The following RORA variants were observed in gnomAD, a reference collection of about 807,000 sequenced individuals.
The protein encoded by RORA is RAR related orphan receptor A.
RORA carries 7 observed loss-of-function variants against 69.5 expected under a neutral mutation model. The observed-to-expected ratio is 0.10, with a 90% CI of 0.06 to 0.19. The LOEUF (loss-of-function observed/expected upper bound fraction) is 0.19, where lower values mean the gene tolerates loss of function less well. Ranked by LOEUF, RORA falls within the 10% of genes least tolerant of loss-of-function variation. RORA has a pLI of 1.00. For missense variants in RORA, 457 were observed against 663.0 expected (o/e 0.69, Z 3.41); for synonymous variants, 261 against 240.8 (o/e 1.08, Z -0.78).
rs1555399191 is a variant in RORA at position 60,979,299 on chromosome 15, T to C, written c.166+249754A>G. ...TTTTTTTTTTTTTTTTTTCCAAGAA[T>C]ATTTTGGCTATCCAATGTCCCTTTC... On this transcript the variant is annotated intron_variant, in intron 1 of 10. Coordinates refer to ENST00000335670, the MANE Select transcript of RORA (RefSeq NM_134261.3). 2.5e-5 allele frequency among the ~76,000 whole-genome samples: 3 copies of C among 119,636 alleles called. 1 individual carries two copies. Among genetic ancestry groups the C allele is most frequent in the Non-Finnish European group, 3.4e-5 (2 of 57,990 alleles). 78.5% of individuals were successfully genotyped at this position (119,636 alleles called of 152,430 possible). A position where few individuals can be genotyped will look rare whatever the true frequency, so the allele number is the denominator to read the frequency against.
chr15:60,838,158 C>T (rs1029908655), intron 1 of RORA, among the ~76,000 whole-genome samples: 1 of 152,092 alleles, frequency 6.6e-6, no homozygotes, highest in Non-Finnish European at 1.5e-5. Flanking sequence ...TTCCCTACCC[C>T]CTTAGACCTC....
chr15:60,516,223 T>TAA (rs1489234133), intron 3 of RORA, among the ~76,000 whole-genome samples: 4 of 11,834 alleles, frequency 3.4e-4, no homozygotes, highest in Non-Finnish European at 7.1e-4. Flanking sequence ...ATATATATAT[T>TAA]TATATATATA....
At chr15:60,648,630 G>C (rs1374225342) in intron 2 of RORA, among the ~76,000 whole-genome samples, 2 of 152,236 alleles carry the variant, frequency 1.3e-5, no homozygotes, top group African/African-American at 4.8e-5. Flanking sequence ...TGTCTGTCAT[G>C]AAATCTGATC....
chr15:60,604,670 T>C (rs754648095), intron 2 of RORA, among the ~76,000 whole-genome samples: 4 of 152,164 alleles, frequency 2.6e-5, no homozygotes, highest in African/African-American at 9.7e-5. Flanking sequence ...GTTGAATCAG[T>C]GAATACTTCT....
rs575507963 is a variant in RORA at position 60,963,272 on chromosome 15, A to T, written c.166+265781T>A. On this transcript the variant is annotated intron_variant, in intron 1 of 10. Coordinates refer to ENST00000335670, the MANE Select transcript of RORA (RefSeq NM_134261.3). ...TGTGTGCTCTTAACTGCTCAAAGGC[A>T]TAGAAGTTAGAATGTGCAGATGGTG... Among the ~76,000 whole-genome samples, 32 of 152,350 alleles carry T rather than the reference A, an allele frequency of 2.1e-4. No homozygotes were observed. The South Asian group carries it at 5.4e-3, about 26-fold the overall frequency.
At chr15:61,227,721 C>T (rs998897373) in intron 1 of RORA, among the ~76,000 whole-genome samples, 4 of 152,168 alleles carry the variant, frequency 2.6e-5, no homozygotes, top group Non-Finnish European at 2.9e-5. Context: ...AAGCCGAGTG[C>T]AAGAGGAGGG....
intron 1 of RORA, among the ~76,000 whole-genome samples, chr15:60,992,865 A>G (rs146880102): frequency 5.9e-4 from 90 of 152,346 alleles, no homozygotes; most frequent in African/African-American, 2.1e-3. Flanking sequence ...TACTTAAAAG[A>G]GAAAGCCATA....
At chr15:60,866,820 T>TTATCTATC (rs535434841) in intron 1 of RORA, among the ~76,000 whole-genome samples, 49,911 of 146,530 alleles carry the variant, frequency 0.34, 8,755 homozygotes, top group East Asian at 0.45. Context: ...TATCTTATCT[T>TTATCTATC]TATCTATCTA....
chr15:60,861,625 A>C (rs1344332983), intron 1 of RORA, among the ~76,000 whole-genome samples: 1 of 152,176 alleles, frequency 6.6e-6, no homozygotes, highest in Non-Finnish European at 1.5e-5. Context: ...AGTACCTGAG[A>C]CTACAGGTGC....
At chr15:60,599,766 A>G (rs62003319) in intron 2 of RORA, among the ~76,000 whole-genome samples, 31,850 of 152,180 alleles carry the variant, frequency 0.21, 3,391 homozygotes, top group East Asian at 0.31. Flanking sequence ...TCAGAGAATG[A>G]TTTTTGAAAA....
At chr15:61,129,344 A>G (rs2079169530) in intron 1 of RORA, among the ~76,000 whole-genome samples, 1 of 152,226 alleles carries the variant, frequency 6.6e-6, no homozygotes, top group East Asian at 1.9e-4. Context: ...GAAGCCAGAC[A>G]TAACAGGCCA....
chr15:60,624,567 C>A (rs2069521296), intron 2 of RORA, among the ~76,000 whole-genome samples: 1 of 143,142 alleles, frequency 7.0e-6, no homozygotes, highest in Non-Finnish European at 1.5e-5. Flanking sequence ...ATTTGCTGCA[C>A]ATATATATTA....
At chr15:61,225,357 G>T (rs1228450106) in intron 1 of RORA, among the ~76,000 whole-genome samples, 3 of 152,082 alleles carry the variant, frequency 2.0e-5, no homozygotes, top group African/African-American at 7.2e-5. Flanking sequence ...CTCTAGAAAG[G>T]GCGCTAAATT....
Position 60,490,955 on chromosome 15 carries a change from A to G in RORA, c.*6500T>C, listed in dbSNP as rs1023104163. On this transcript the variant is annotated 3_prime_UTR_variant, in exon 11 of 11. Coordinates refer to ENST00000335670, the MANE Select transcript of RORA (RefSeq NM_134261.3). The surrounding 1 kb of genome is among the most constrained non-coding windows in gnomAD (Gnocchi z 4.1). ...CCTCCCATTGGCCCAAACATCCAATACAAAAACACATCTCCACAAAAGGAG... is the reference window on the plus strand; with the variant it reads ...CCTCCCATTGGCCCAAACATCCAATGCAAAAACACATCTCCACAAAAGGAG... 2 of 152,210 alleles carry G rather than the reference A, an allele frequency of 1.3e-5. No individual in the cohort carries two copies. Among genetic ancestry groups the G allele is most frequent in the Non-Finnish European group, 2.9e-5 (2 of 68,020 alleles). The allele number at this position is 152,210 out of a possible 1,614,324, so 9.4% of individuals were successfully genotyped here. A position where few individuals can be genotyped will look rare whatever the true frequency, so the allele number is the denominator to read the frequency against.
chr15:61,000,968 G>T (rs193182906), intron 1 of RORA, among the ~76,000 whole-genome samples: 28 of 152,246 alleles, frequency 1.8e-4, no homozygotes, highest in Non-Finnish European at 3.5e-4. Context: ...TCCAGCTCAT[G>T]ATGATCTTTT....
rs1016857986 is a variant in RORA, at chr15:61,211,682, C to G, written c.166+17371G>C. Among the ~76,000 whole-genome samples the G allele has an allele frequency of 2.6e-5, 4 of 152,298 alleles. No individual in the cohort carries two copies. In the South Asian group the frequency reaches 8.3e-4, roughly 32 times the overall value. On this transcript the variant is annotated intron_variant, in intron 1 of 10. Coordinates refer to ENST00000335670, the MANE Select transcript of RORA (RefSeq NM_134261.3). Reference sequence around the variant, plus strand: ...GGAGCTCAGTGATGGCCACAGAGGGCAGAGGGATGCCTTTCCAACAGGGCA... The same window carrying G: ...GGAGCTCAGTGATGGCCACAGAGGGGAGAGGGATGCCTTTCCAACAGGGCA...
In RORA at chr15:60,556,807, C is replaced by T. The variant is rs202113168; in HGVS notation, c.197-24956G>A. On this transcript the variant is annotated intron_variant, in intron 2 of 10. Coordinates refer to ENST00000335670, the MANE Select transcript of RORA (RefSeq NM_134261.3). Reference sequence around the variant, plus strand: ...AACCTCACTTCTTCCTAAAAGCCTTCGTAAATGAAGAAACCTTGCAAATTA... The same window carrying T: ...AACCTCACTTCTTCCTAAAAGCCTTTGTAAATGAAGAAACCTTGCAAATTA... The T allele has an allele frequency of 1.2e-4, 173 of 1,432,618 alleles. No individual in the cohort carries two copies. The African/African-American group carries it at 1.4e-3, about 12-fold the overall frequency. 88.7% of individuals were successfully genotyped at this position (1,432,618 alleles called of 1,614,324 possible). A position where few individuals can be genotyped will look rare whatever the true frequency, so the allele number is the denominator to read the frequency against.
In RORA at chr15:60,774,628, T is replaced by A. The variant is rs1304606446; in HGVS notation, c.167-95942A>T. 2.6e-5 allele frequency among the ~76,000 whole-genome samples: 4 copies of A among 152,204 alleles called. No individual in the cohort carries two copies. In the East Asian group the frequency reaches 7.7e-4, roughly 29 times the overall value. ...GGGAGTCCTAACGGATGCACCCATA[T>A]CTAGGTAACACAAATACCCACAGTC... On this transcript the variant is annotated intron_variant, in intron 1 of 10. Coordinates refer to ENST00000335670, the MANE Select transcript of RORA (RefSeq NM_134261.3).
chr15:60,491,132 T>C lies in RORA; in HGVS notation c.*6323A>G, dbSNP rs964778032. 7.2e-5 allele frequency: 11 copies of C among 152,204 alleles called. No homozygotes were observed. Among genetic ancestry groups the C allele is most frequent in the Admixed American group, 2.6e-4 (4 of 15,274 alleles). The allele number at this position is 152,204 out of a possible 1,614,324, so 9.4% of individuals were successfully genotyped here. A position where few individuals can be genotyped will look rare whatever the true frequency, so the allele number is the denominator to read the frequency against. ...TGTATACAGTACATATGGATTTTTT[T>C]TGTGAAATCATTTTCACTATATTGC... On this transcript the variant is annotated 3_prime_UTR_variant, in exon 11 of 11. Coordinates refer to ENST00000335670, the MANE Select transcript of RORA (RefSeq NM_134261.3).
Sources: gnomAD v4.1 joint callset for allele counts (sites outside exome capture counted in the v4.1 genomes callset) on GRCh38, gnomAD v4.1.1 for gene constraint, Gnocchi (gnomAD v3.1) non-coding constraint, MANE v1.5 for transcripts, NCBI Gene and HGNC (gene_info 2026-07-23, HGNC 2026-07-21) for gene names.